The following PPP4R2 variants were observed in gnomAD, a reference collection of about 807,000 sequenced individuals.
PPP4R2 encodes the protein serine/threonine-protein phosphatase 4 regulatory subunit 2.
Under a neutral mutation model 47.2 loss-of-function variants are expected in PPP4R2, and 13 were observed. The ratio of observed to expected loss-of-function variants is 0.28; its 90% CI spans 0.18 to 0.44. The LOEUF is 0.44. Ranked by LOEUF, PPP4R2 falls within the 20% of genes least tolerant of loss-of-function variation. PPP4R2 has a pLI of 1.00. For synonymous variants in PPP4R2, 151 were observed against 163.3 expected (o/e 0.92, Z 0.57); for missense variants, 421 against 491.2 (o/e 0.86, Z 1.35).
At chr3:73,060,856 T>C (rs557234018) in intron 4 of PPP4R2, among the ~76,000 whole-genome samples, 167 bp from the exon 5 acceptor site, 57 of 152,328 alleles carry the variant, frequency 3.7e-4, no homozygotes, top group Non-Finnish European at 7.4e-4. Context: ...GTTATTGTTT[T>C]AGTTTTTGCT....
chr3:73,019,278 GAC>G (rs1406293754), intron 2 of PPP4R2, among the ~76,000 whole-genome samples: 1 of 152,176 alleles, frequency 6.6e-6, no homozygotes, highest in Non-Finnish European at 1.5e-5. Flanking sequence ...ATCATCTGAT[GAC>G]ACATTTCTCA....
At chr3:73,049,799 TA>T (rs1702571844) in intron 3 of PPP4R2, among the ~76,000 whole-genome samples, 1 of 150,860 alleles carries the variant, frequency 6.6e-6, no homozygotes, top group South Asian at 2.1e-4. Context: ...ATTTATTACA[TA>T]AATCTAAATA....
chr3:73,027,972 T>C (rs917372605), intron 2 of PPP4R2: 1 of 123,044 alleles, frequency 8.1e-6, no homozygotes, highest in Non-Finnish European at 1.7e-5. Context: ...AGAGACGGGG[T>C]GGGCTGGGCA....
intron 3 of PPP4R2, among the ~76,000 whole-genome samples, chr3:73,054,717 A>G (rs959049940): frequency 2.6e-5 from 4 of 152,120 alleles, no homozygotes; most frequent in African/African-American, 7.2e-5. Context: ...TTTCATGTGG[A>G]AAAGTTGCTT....
At chr3:73,048,447 G>A (rs952955704) in intron 3 of PPP4R2, among the ~76,000 whole-genome samples, 2 of 151,684 alleles carry the variant, frequency 1.3e-5, no homozygotes, top group Non-Finnish European at 2.9e-5. Context: ...ATAGAGATGG[G>A]GTTTCACCAT....
intron 2 of PPP4R2, among the ~76,000 whole-genome samples, chr3:73,038,263 G>A (rs888773823): frequency 6.6e-6 from 1 of 152,210 alleles, no homozygotes; most frequent in Non-Finnish European, 1.5e-5. Flanking sequence ...TGTTGGCTGT[G>A]GTCATTGTGA....
chr3:73,063,670 T>C lies in PPP4R2; in HGVS notation c.420-3T>C, dbSNP rs1207617296. 6 of 1,559,464 alleles carry C rather than the reference T, an allele frequency of 3.8e-6. No homozygotes were observed. Among genetic ancestry groups the C allele is most frequent in the East Asian group, 2.2e-5 (1 of 44,602 alleles). On this transcript the variant is annotated splice_region_variant and splice_polypyrimidine_tract_variant and intron_variant, in intron 5 of 8. Coordinates refer to ENST00000356692, the MANE Select transcript of PPP4R2 (RefSeq NM_174907.4). ...TCCACAAGTGTATTTTCTTTTCTTA[T>C]AGGAAAAACAATTCCAATAGTTTAA...
At chr3:73,023,718 T>C (rs1370166071) in intron 2 of PPP4R2, among the ~76,000 whole-genome samples, 1 of 152,226 alleles carries the variant, frequency 6.6e-6, no homozygotes, top group Non-Finnish European at 1.5e-5. Context: ...ATATACTTAA[T>C]ATTTATGTGC....
At chr3:73,015,790 A>G (rs1209166603) in intron 2 of PPP4R2, 2 of 445,716 alleles carry the variant, frequency 4.5e-6, no homozygotes, top group Non-Finnish European at 9.0e-6. Context: ...GGCTCCCGCC[A>G]CCATGCCCGA....
intron 2 of PPP4R2, among the ~76,000 whole-genome samples, chr3:73,015,403 C>A (rs531353805): frequency 6.6e-6 from 1 of 152,126 alleles, no homozygotes; most frequent in East Asian, 1.9e-4. Context: ...TCTTGAACTC[C>A]TGGCCTCAAG....
chr3:73,059,519 G>A (rs1267657116), intron 4 of PPP4R2, among the ~76,000 whole-genome samples: 1 of 152,134 alleles, frequency 6.6e-6, no homozygotes, highest in Non-Finnish European at 1.5e-5. Flanking sequence ...GAAACTTACT[G>A]GTGCCAAGCA....
At chr3:73,004,944 CGTGTGTGTGTGTGT>C (rs67945272) in intron 2 of PPP4R2, among the ~76,000 whole-genome samples, 188 of 117,036 alleles carry the variant, frequency 1.6e-3, no homozygotes, top group African/African-American at 3.0e-3. Flanking sequence ...GAGTCGGAGT[CGTGTGTGTGTGTGT>C]GTGTGTGTGT....
At chr3:73,006,278 C>T (rs575846818) in intron 2 of PPP4R2, among the ~76,000 whole-genome samples, 1 of 148,802 alleles carries the variant, frequency 6.7e-6, no homozygotes, top group Non-Finnish European at 1.5e-5. Context: ...CGGCTCACTG[C>T]AACCTCTGCC....
intron 2 of PPP4R2, among the ~76,000 whole-genome samples, chr3:73,001,846 C>T (rs918187863): frequency 2.0e-5 from 3 of 152,162 alleles, no homozygotes; most frequent in Non-Finnish European, 2.9e-5. Flanking sequence ...CCAGGATGAT[C>T]TCTATCTCTT....
chr3:73,067,393 T>G lies in PPP4R2; in HGVS notation c.*1671T>G, dbSNP rs1427128721. On this transcript the variant is annotated 3_prime_UTR_variant, in exon 9 of 9. Coordinates refer to ENST00000356692, the MANE Select transcript of PPP4R2 (RefSeq NM_174907.4). ...ATCATGGCTATAAATACCAAAACGATTTGGATCCATTTATGTTTGTAGGAT... is the reference window on the plus strand; with the variant it reads ...ATCATGGCTATAAATACCAAAACGAGTTGGATCCATTTATGTTTGTAGGAT... The G allele has an allele frequency of 6.6e-6, 1 of 152,070 alleles. No individual in the cohort carries two copies. The highest frequency in any genetic ancestry group is 1.5e-5 in the Non-Finnish European group (1 of 67,952). The allele number at this position is 152,070 out of a possible 1,614,324, so 9.4% of individuals were successfully genotyped here.
At chr3:73,021,902 T>TG (rs761206720) in intron 2 of PPP4R2, among the ~76,000 whole-genome samples, 1 of 112,232 alleles carries the variant, frequency 8.9e-6, no homozygotes, top group East Asian at 4.4e-4. Context: ...ATATATATAT[T>TG]TTTTTTTTTT....
chr3:73,011,129 A>T (rs1701716902), intron 2 of PPP4R2, among the ~76,000 whole-genome samples: 1 of 152,216 alleles, frequency 6.6e-6, no homozygotes, highest in Non-Finnish European at 1.5e-5. Flanking sequence ...CAGTTGTCTT[A>T]CATCCTCCTC....
At chr3:73,047,408 G>T in intron 3 of PPP4R2, 52 bp downstream of exon 3, 1 of 1,263,120 alleles carries the variant, frequency 7.9e-7, no homozygotes, top group Non-Finnish European at 1.1e-6. Flanking sequence ...AAGATGAATA[G>T]ATTTTTCTTT....
At position 73,027,770 on chromosome 3, in the gene PPP4R2, TAAG is replaced by T. The variant is rs1406966478; in HGVS notation, c.117-19413_117-19411del. The T allele has an allele frequency of 4.6e-5, 7 of 151,266 alleles. No individual in the cohort carries two copies. The East Asian group carries it at 9.8e-4, about 21-fold the overall frequency. 9.4% of individuals were successfully genotyped at this position (151,266 alleles called of 1,614,324 possible). A position where few individuals can be genotyped will look rare whatever the true frequency, so the allele number is the denominator to read the frequency against. On this transcript the variant is annotated intron_variant, in intron 2 of 8. Coordinates refer to ENST00000356692, the MANE Select transcript of PPP4R2 (RefSeq NM_174907.4). ...CTGGATAGTAAGGGCAATGCAAAAATAAGAAAAAGGGTAAGGGAAATGAGGGTT... is the reference window on the plus strand; with the variant it reads ...CTGGATAGTAAGGGCAATGCAAAAATAAAAAGGGTAAGGGAAATGAGGGTT...
Sources: gnomAD v4.1 joint callset for allele counts (sites outside exome capture counted in the v4.1 genomes callset) on GRCh38, gnomAD v4.1.1 for gene constraint, MANE v1.5 for transcripts, NCBI Gene and HGNC (gene_info 2026-07-23, HGNC 2026-07-21) for gene names.